Variants in ARHGAP4 observed in about 807,000 individuals in gnomAD.
ARHGAP4 encodes rho GTPase-activating protein 4.
ARHGAP4 carries 25 observed loss-of-function variants against 67.6 expected under a neutral mutation model. The observed-to-expected ratio is 0.37, with a 90% CI of 0.27 to 0.52. The LOEUF is 0.52. Ranked by LOEUF, ARHGAP4 falls within the 20% of genes least tolerant of loss-of-function variation. The pLI is 0.92. For missense variants in ARHGAP4, 804 were observed against 854.6 expected (o/e 0.94, Z 0.74); for synonymous variants, 448 against 373.7 (o/e 1.20, Z -2.29).
chrX:153,915,422 A>G (rs1474781085), intron 7 of ARHGAP4, among the ~76,000 whole-genome samples: 1 of 111,187 alleles, frequency 9.0e-6, no homozygotes, highest in Admixed American at 9.5e-5. Flanking sequence ...TTAAAAGTCC[A>G]TCTAGGCTGG....
rs976267058 is a variant in ARHGAP4 at position 153,920,502 on chromosome X, G to A, written c.681+124C>T. 1.6e-4 allele frequency: 126 copies of A among 787,205 alleles called. No homozygotes were observed. In the African/African-American group the frequency reaches 2.1e-3, roughly 13 times the overall value. 64.9% of individuals were successfully genotyped at this position (787,205 alleles called of 1,213,427 possible). A position where few individuals can be genotyped will look rare whatever the true frequency, so the allele number is the denominator to read the frequency against. On this transcript the variant is annotated intron_variant, in intron 5 of 21. Transcript: ENST00000350060. Reference sequence around the variant, plus strand: ...CTTCCGTATGGAATCCCTGGAACCTGATGGCACTGTCCTGCCACTCCTGCC... The same window carrying A: ...CTTCCGTATGGAATCCCTGGAACCTAATGGCACTGTCCTGCCACTCCTGCC...
intron 2 of ARHGAP4, 23 bp downstream of exon 2, chrX:153,921,582 C>A (rs1482405520): frequency 1.7e-6 from 2 of 1,205,880 alleles, no homozygotes; most frequent in Non-Finnish European, 2.2e-6. Context: ...CTGCCGTGGC[C>A]CCCCTGCCAG....
chrX:153,908,086 C>T, intron 21 of ARHGAP4, 124 bp from the exon 22 acceptor site: 6 of 485,427 alleles, frequency 1.2e-5, no homozygotes, highest in Non-Finnish European at 1.8e-5. Flanking sequence ...GTCCCTCAGC[C>T]TCCAGGTCAC....
At chrX:153,909,576 C>G in intron 19 of ARHGAP4, 41 bp from the exon 20 acceptor site, 1 of 1,115,559 alleles carries the variant, frequency 9.0e-7, no homozygotes, top group Non-Finnish European at 1.2e-6. Context: ...TGCTCCTTCC[C>G]TGCACGGGGT....
At position 153,921,425 on chromosome X, in the gene ARHGAP4, G is replaced by A. The variant is rs782687577; in HGVS notation, c.375C>T (p.Ala125=). Residue 125 remains alanine, a synonymous_variant, in exon 3 of 22, where the codon GCC becomes GCT. Transcript: ENST00000350060. ...GACTCAGGCGCTGGGCCAGGGGCCCGGCCAGCACCTCACTCAGGGCCGCGC... is the reference window on the plus strand; with the variant it reads ...GACTCAGGCGCTGGGCCAGGGGCCCAGCCAGCACCTCACTCAGGGCCGCGC... ...RESAALSEVL[A]GPLAQRLSHI... The A allele has an allele frequency of 1.5e-5, 18 of 1,208,632 alleles. No homozygotes were observed. Among genetic ancestry groups the A allele is most frequent in the South Asian group, 1.2e-4 (7 of 56,732 alleles).
intron 7 of ARHGAP4, 52 bp from the exon 8 acceptor site, chrX:153,913,931 C>A: frequency 1.8e-6 from 2 of 1,104,067 alleles, no homozygotes; most frequent in African/African-American, 1.8e-5. Flanking sequence ...GCAGTAGGTG[C>A]CAAGATCCCC....
chrX:153,916,139 G>T lies in ARHGAP4; in HGVS notation c.1033-2260C>A, dbSNP rs957426649. ...GAGGACAAAATCAAGAACTTCTTCC[G>T]AGCCACAAAATCATCCCTCCATCCT... On this transcript the variant is annotated intron_variant, in intron 7 of 21. Transcript: ENST00000350060. 2.8e-4 allele frequency among the ~76,000 whole-genome samples: 32 copies of T among 112,761 alleles called. No individual in the cohort carries two copies. The Admixed American group carries it at 2.9e-3, about 10-fold the overall frequency.
chrX:153,910,612 CTG>C lies in ARHGAP4; in HGVS notation c.1817-3_1817-2del. Reference sequence around the variant, plus strand: ...ACCCTCTCCGCTGTGGCCTCCAGCTCTGTGGCCAAAGCCGCCCAGAGAGAGCC... The same window carrying C: ...ACCCTCTCCGCTGTGGCCTCCAGCTCTGGCCAAAGCCGCCCAGAGAGAGCC... On this transcript the variant is annotated splice_acceptor_variant and splice_polypyrimidine_tract_variant and intron_variant, in intron 15 of 21. Coordinates refer to ENST00000350060, the MANE Select transcript of ARHGAP4 (RefSeq NM_001666.5). LOFTEE classifies it high-confidence loss of function. 1.2e-5 allele frequency: 14 copies of C among 1,204,480 alleles called. No individual in the cohort carries two copies. Among genetic ancestry groups the C allele is most frequent in the Non-Finnish European group, 1.6e-5 (14 of 892,153 alleles).
At position 153,913,961 on chromosome X, in the gene ARHGAP4, C is replaced by T. The variant is rs782724467; in HGVS notation, c.1033-82G>A. The T allele has an allele frequency of 9.9e-5, 93 of 934,813 alleles. No homozygotes were observed. The South Asian group carries it at 1.9e-3, about 19-fold the overall frequency. 77.0% of individuals were successfully genotyped at this position (934,813 alleles called of 1,213,427 possible). ...ATCCCCGGGGCATAAGGGAAGCAAG[C>T]ACCCTTTTGTGGCCTGGCGGCCGGG... On this transcript the variant is annotated intron_variant, in intron 7 of 21. Coordinates refer to ENST00000350060, the MANE Select transcript of ARHGAP4 (RefSeq NM_001666.5).
chrX:153,919,506 T>G (rs930381076), intron 5 of ARHGAP4: 2 of 1,131,327 alleles, frequency 1.8e-6, no homozygotes, highest in Non-Finnish European at 2.3e-6. Context: ...CCACTTGCCT[T>G]GGTTCGAGCC....
At chrX:153,921,921 A>G in intron 1 of ARHGAP4, 112 bp from the exon 2 acceptor site, 15 of 955,950 alleles carry the variant, frequency 1.6e-5, no homozygotes, top group Non-Finnish European at 2.1e-5. Flanking sequence ...GTCGGCTCTG[A>G]GGGCTCCTTC....
intron 17 of ARHGAP4, 34 bp from the exon 18 acceptor site, chrX:153,910,119 G>A (rs782558683): frequency 2.5e-6 from 3 of 1,210,272 alleles, no homozygotes; most frequent in Non-Finnish European, 3.4e-6. Flanking sequence ...CAGATGAGGG[G>A]GGCTCTTCTC....
intron 1 of ARHGAP4, among the ~76,000 whole-genome samples, chrX:153,923,938 C>G (rs1331209679): frequency 9.0e-6 from 1 of 111,014 alleles, no homozygotes; most frequent in Non-Finnish European, 1.9e-5. Context: ...CCACCACACC[C>G]AGCTAATTTT....
intron 12 of ARHGAP4, 137 bp from the exon 13 acceptor site, chrX:153,911,326 C>G: frequency 1.8e-6 from 1 of 550,064 alleles, no homozygotes; most frequent in Non-Finnish European, 2.7e-6. Context: ...GGCGTGATCT[C>G]GGCTCACTGT....
At chrX:153,921,896 A>C in intron 1 of ARHGAP4, 87 bp from the exon 2 acceptor site, 3 of 1,040,340 alleles carry the variant, frequency 2.9e-6, no homozygotes, top group Non-Finnish European at 3.9e-6. Flanking sequence ...GCAGAGGCAC[A>C]CAGACCCCAG....
chrX:153,924,030 C>T (rs1240059967), intron 1 of ARHGAP4, among the ~76,000 whole-genome samples: 2 of 111,850 alleles, frequency 1.8e-5, no homozygotes, highest in African/African-American at 6.5e-5. Flanking sequence ...CCGCCCGCCT[C>T]GGCCTCCCAA....
rs782738576 is a variant in ARHGAP4 at position 153,926,011 on chromosome X, A to G, written c.67+125T>C. 4.7e-5 allele frequency: 46 copies of G among 980,212 alleles called. No individual in the cohort carries two copies. The East Asian group carries it at 1.6e-3, about 35-fold the overall frequency. The allele number at this position is 980,212 out of a possible 1,213,427, so 80.8% of individuals were successfully genotyped here. Reference sequence around the variant, plus strand: ...GCAAGGGGCTCAGGCTCCCTCCTCCACCCCCGCTCCAGAGGTCGCTGGGGA... The same window carrying G: ...GCAAGGGGCTCAGGCTCCCTCCTCCGCCCCCGCTCCAGAGGTCGCTGGGGA... On this transcript the variant is annotated intron_variant, in intron 1 of 21. Transcript: ENST00000350060.
chrX:153,919,792 A>ATTT, intron 5 of ARHGAP4: 3 of 694,290 alleles, frequency 4.3e-6, no homozygotes, highest in Non-Finnish European at 3.9e-6. Context: ...TTTTTTTTTT[A>ATTT]TTTTTTTTTT....
At chrX:153,915,727 C>T (rs1352524415) in intron 7 of ARHGAP4, among the ~76,000 whole-genome samples, 1 of 112,252 alleles carries the variant, frequency 8.9e-6, no homozygotes, top group African/African-American at 3.2e-5. Flanking sequence ...TTGGAGGCTG[C>T]AGTGAGCTAT....
Sources: allele counts gnomAD v4.1 joint callset (sites outside exome capture counted in the v4.1 genomes callset), GRCh38; gene constraint gnomAD v4.1.1; transcripts MANE v1.5; gene names NCBI Gene and HGNC (gene_info 2026-07-23, HGNC 2026-07-21).